The following INSYN2A variants were observed in gnomAD, a reference collection of about 807,000 sequenced individuals.
INSYN2A encodes the protein inhibitory synaptic factor 2A.
A neutral mutation model predicts 39.4 loss-of-function variants in INSYN2A; 17 were observed. That is an observed-to-expected ratio of 0.43 (90% CI 0.30 to 0.65). The LOEUF is 0.65. INSYN2A is among the 30% of genes least tolerant of loss of function. The probability of loss-of-function intolerance (pLI) is 0.14; values close to 1 mark genes in which losing one functional copy is unlikely to be tolerated. For missense variants in INSYN2A, 595 were observed against 631.2 expected, an observed-to-expected ratio of 0.94 and a Z score of 0.61; for synonymous variants, 255 against 265.7, an observed-to-expected ratio of 0.96 and a Z score of 0.39.
At chr10:127,178,736 A>G (rs1168848483) in intron 2 of INSYN2A, among the ~76,000 whole-genome samples, 1 of 152,222 alleles carries the variant, frequency 6.6e-6, no homozygotes, top group African/African-American at 2.4e-5. Context: ...AAGGCAAGAA[A>G]CAGACTGGAG....
At chr10:127,164,866 C>G (rs1207399467) in intron 4 of INSYN2A, among the ~76,000 whole-genome samples, 1 of 152,168 alleles carries the variant, frequency 6.6e-6, no homozygotes, top group African/African-American at 2.4e-5. Flanking sequence ...AAAATGATGA[C>G]AATGATACAA....
chr10:127,174,345 A>ACC (rs1324035634), intron 4 of INSYN2A, among the ~76,000 whole-genome samples: 20 of 152,078 alleles, frequency 1.3e-4, no homozygotes, highest in Non-Finnish European at 4.4e-5. Context: ...AAGTCCGATA[A>ACC]CCCCCAGACC....
intron 4 of INSYN2A, among the ~76,000 whole-genome samples, chr10:127,169,884 C>T (rs1286043183): frequency 1.3e-5 from 2 of 152,284 alleles, no homozygotes; most frequent in African/African-American, 2.4e-5. Flanking sequence ...CAGGATACCA[C>T]ACTTCGTCTG....
chr10:127,155,215 G>A (rs566189403), intron 4 of INSYN2A, among the ~76,000 whole-genome samples: 6 of 152,026 alleles, frequency 3.9e-5, no homozygotes, highest in Non-Finnish European at 7.3e-5. Context: ...TGCATCATGG[G>A]TTTTAAATTG....
At chr10:127,145,843 C>T (rs1027383000) in intron 5 of INSYN2A, 13 of 355,916 alleles carry the variant, frequency 3.7e-5, no homozygotes, top group Admixed American at 7.2e-5. Flanking sequence ...TCATCACACA[C>T]GGAAACCATT....
intron 1 of INSYN2A, among the ~76,000 whole-genome samples, chr10:127,194,057 CAT>C (rs1290460520): frequency 6.6e-6 from 1 of 152,198 alleles, no homozygotes; most frequent in Admixed American, 6.5e-5. Flanking sequence ...AGTTTAAAGA[CAT>C]ATGTAGCTTT....
chr10:127,155,380 G>T (rs766597134), intron 4 of INSYN2A, among the ~76,000 whole-genome samples: 1 of 152,066 alleles, frequency 6.6e-6, no homozygotes, highest in Non-Finnish European at 1.5e-5. Context: ...ACCATATTCT[G>T]CTCCAAAGTG....
chr10:127,163,089 T>C (rs1287113257), intron 4 of INSYN2A, among the ~76,000 whole-genome samples: 3 of 152,196 alleles, frequency 2.0e-5, no homozygotes, highest in South Asian at 2.1e-4. Context: ...AGCACCTTGT[T>C]TGTGGCTCTC....
Position 127,175,343 on chromosome 10 carries a change from AG to A in INSYN2A, c.1052del (p.Pro351LeufsTer14). 6.2e-7 allele frequency: 1 copy of A among 1,614,060 alleles called. No homozygotes were observed. Reference sequence around the variant, plus strand: ...CTTTGAGGTCGACCACTTCCGTATGAGGCACGATTCGTTGGCATTCTTCACC... The same window carrying A: ...CTTTGAGGTCGACCACTTCCGTATGAGCACGATTCGTTGGCATTCTTCACC... Reference protein sequence around the residue: ...AAGEECQRIVPHTEVVDLKAQ... With the variant: ...AAGEECQRIVXHTEVVDLKAQ... On this transcript the variant is annotated frameshift_variant, in exon 4 of 6. Coordinates refer to ENST00000522781, the MANE Select transcript of INSYN2A (RefSeq NM_001039762.3). LOFTEE classifies it high-confidence loss of function. This position sits in a 1 kb window ranked among gnomAD's most constrained non-coding sequence, Gnocchi z 6.3.
At chr10:127,163,407 G>T (rs2053766302) in intron 4 of INSYN2A, among the ~76,000 whole-genome samples, 1 of 152,118 alleles carries the variant, frequency 6.6e-6, no homozygotes, top group African/African-American at 2.4e-5. Flanking sequence ...CCACGAGAAG[G>T]TCAACACAAT....
intron 5 of INSYN2A, among the ~76,000 whole-genome samples, chr10:127,138,315 AC>A (rs2050887431): frequency 6.6e-6 from 1 of 152,208 alleles, no homozygotes; most frequent in South Asian, 2.1e-4. Flanking sequence ...AATATGAATA[AC>A]CCCATTGTTT....
intron 2 of INSYN2A, among the ~76,000 whole-genome samples, chr10:127,186,583 T>C (rs547944768): frequency 9.4e-5 from 13 of 137,876 alleles, no homozygotes; most frequent in African/African-American, 2.8e-4. Context: ...GAGATTACAA[T>C]TGGAGGTGAG....
intron 4 of INSYN2A, among the ~76,000 whole-genome samples, chr10:127,156,357 G>A (rs1029162564): frequency 3.9e-5 from 6 of 152,092 alleles, no homozygotes; most frequent in African/African-American, 1.4e-4. Context: ...GCTGGGGCTG[G>A]TGTTCTGCAC....
At position 127,175,749 on chromosome 10, in the gene INSYN2A, G is replaced by A; in HGVS notation, c.647C>T (p.Pro216Leu). The change falls in exon 4 of 6, where the codon CCA (proline) becomes CTA (leucine). Residue 216 changes from proline to leucine, a missense_variant. By Grantham distance (98) the Pro-to-Leu change is moderately conservative. Around this residue, in one of 2 missense-constraint regions of INSYN2A, gnomAD observed 478 missense variants for 467.4 expected, o/e 1.02. Transcript: ENST00000522781. This position sits in a 1 kb window ranked among gnomAD's most constrained non-coding sequence, Gnocchi z 6.3. ...EAALQNSTRPPSEEPDYQLLG... is the reference protein window; with the variant it reads ...EAALQNSTRPLSEEPDYQLLG... ...CAGCTGGTAATCGGGCTCTTCGGAT[G>A]GAGGCCGAGTGGAGTTTTGGAGCGC... The A allele has an allele frequency of 6.2e-7, 1 of 1,614,104 alleles. No individual in the cohort carries two copies. The highest frequency in any genetic ancestry group is 8.5e-7 in the Non-Finnish European group (1 of 1,180,024).
intron 5 of INSYN2A, among the ~76,000 whole-genome samples, chr10:127,144,445 A>G (rs2051592523): frequency 1.3e-5 from 2 of 152,124 alleles, no homozygotes; most frequent in Non-Finnish European, 2.9e-5. Context: ...GACCATGTTT[A>G]ATTCATCTTT....
At chr10:127,174,751 T>C (rs1201815684) in intron 4 of INSYN2A, among the ~76,000 whole-genome samples, 1 of 152,238 alleles carries the variant, frequency 6.6e-6, no homozygotes, top group African/African-American at 2.4e-5. Flanking sequence ...TTATTTATTA[T>C]AAGCAAGTCA....
At chr10:127,155,103 T>C (rs913263824) in intron 4 of INSYN2A, among the ~76,000 whole-genome samples, 5 of 152,190 alleles carry the variant, frequency 3.3e-5, no homozygotes, top group Admixed American at 6.5e-5. Context: ...GGGGCAAATT[T>C]CCACGTACAG....
chr10:127,187,874 CTGTT>C (rs1202644921), intron 2 of INSYN2A, among the ~76,000 whole-genome samples: 4 of 152,200 alleles, frequency 2.6e-5, no homozygotes, highest in African/African-American at 9.7e-5. Flanking sequence ...CTGGGTTCCA[CTGTT>C]TGTTTTAAAT....
At chr10:127,141,133 T>G (rs2051201074) in intron 5 of INSYN2A, among the ~76,000 whole-genome samples, 1 of 152,316 alleles carries the variant, frequency 6.6e-6, no homozygotes. Flanking sequence ...GCCCACTGTT[T>G]CTCAGGTCCA....
Sources: gnomAD v4.1 joint callset for allele counts (sites outside exome capture counted in the v4.1 genomes callset) on GRCh38, gnomAD v4.1.1 for gene constraint, gnomAD v4.1.1 regional missense constraint, Gnocchi (gnomAD v3.1) non-coding constraint, MANE v1.5 for transcripts, NCBI Gene and HGNC (gene_info 2026-07-23, HGNC 2026-07-21) for gene names.